Variants in MBD2 observed in about 807,000 individuals in gnomAD.
The protein encoded by MBD2 is methyl-CpG-binding domain protein 2.
Under a neutral mutation model 39.3 loss-of-function variants are expected in MBD2, and 9 were observed. That is an observed-to-expected ratio of 0.23 (90% CI 0.14 to 0.40). MBD2 has a LOEUF of 0.40. Among genes scored for constraint, MBD2 ranks in the 10% least tolerant of loss-of-function variants. The pLI, the probability that MBD2 is intolerant of heterozygous loss-of-function variation, is 1.00. For missense variants in MBD2, 458 were observed against 532.6 expected (o/e 0.86, Z 1.38); for synonymous variants, 233 against 211.1 (o/e 1.10, Z -0.90).
chr18:54,212,154 C>A (rs564910790), intron 1 of MBD2, among the ~76,000 whole-genome samples: 1 of 152,252 alleles, frequency 6.6e-6, no homozygotes, highest in Admixed American at 6.5e-5. Flanking sequence ...TCACTCTATT[C>A]TGAATAGTCT....
chr18:54,170,635 T>A (rs1216644633), intron 3 of MBD2, among the ~76,000 whole-genome samples: 1 of 152,228 alleles, frequency 6.6e-6, no homozygotes, highest in Non-Finnish European at 1.5e-5. Context: ...TGAATGCCCA[T>A]GATATGCAAT....
chr18:54,179,422 A>G (rs1010179777), intron 3 of MBD2, among the ~76,000 whole-genome samples: 3 of 152,248 alleles, frequency 2.0e-5, no homozygotes, highest in East Asian at 3.8e-4. Flanking sequence ...AGAAAAGTAC[A>G]AGTCAATTTC....
At chr18:54,176,122 A>C (rs551975149) in intron 3 of MBD2, among the ~76,000 whole-genome samples, 8 of 152,378 alleles carry the variant, frequency 5.3e-5, no homozygotes, top group African/African-American at 1.9e-4. Flanking sequence ...CAAGAGCATG[A>C]TGCTAGACAC....
intron 3 of MBD2, among the ~76,000 whole-genome samples, chr18:54,177,573 C>A (rs534670249): frequency 3.3e-5 from 5 of 152,142 alleles, no homozygotes; most frequent in Admixed American, 1.3e-4. Context: ...CTCCGCCTCC[C>A]GCGTTCACGC....
chr18:54,214,173 T>A (rs1046361495), intron 1 of MBD2, among the ~76,000 whole-genome samples: 3 of 151,312 alleles, frequency 2.0e-5, no homozygotes, highest in Admixed American at 6.6e-5. Flanking sequence ...ATATATATAT[T>A]TTGTTTGTTT....
At chr18:54,156,213 T>C (rs2086050502) in intron 6 of MBD2, among the ~76,000 whole-genome samples, 1 of 152,182 alleles carries the variant, frequency 6.6e-6, no homozygotes, top group Non-Finnish European at 1.5e-5. Context: ...TGGGGTTATT[T>C]GAGTAAGGTA....
intron 1 of MBD2, among the ~76,000 whole-genome samples, chr18:54,211,399 A>ACACACACACACG (rs1271647854): frequency 6.7e-4 from 101 of 151,612 alleles, no homozygotes; most frequent in Non-Finnish European, 8.8e-5. Flanking sequence ...ACACACACAC[A>ACACACACACACG]CACACACACA....
intron 3 of MBD2, among the ~76,000 whole-genome samples, chr18:54,177,032 C>A (rs1425791738): frequency 6.6e-6 from 1 of 152,174 alleles, no homozygotes; most frequent in Admixed American, 6.5e-5. Context: ...GTATACAATA[C>A]TTGTCAAGTG....
intron 3 of MBD2, among the ~76,000 whole-genome samples, chr18:54,171,655 G>A (rs1002396367): frequency 1.3e-5 from 2 of 152,186 alleles, no homozygotes. Flanking sequence ...GTCTTACCCA[G>A]TGAAACTATG....
At chr18:54,157,874 C>T (rs1344436001) in intron 6 of MBD2, among the ~76,000 whole-genome samples, 2 of 152,014 alleles carry the variant, frequency 1.3e-5, no homozygotes, top group African/African-American at 4.8e-5. Flanking sequence ...TCACGTGATT[C>T]TTTCTCCAGC....
intron 1 of MBD2, among the ~76,000 whole-genome samples, chr18:54,213,902 T>C (rs1468005828): frequency 2.0e-5 from 3 of 152,124 alleles, no homozygotes; most frequent in Admixed American, 6.5e-5. Flanking sequence ...CTTACATATA[T>C]ACATACACAC....
At chr18:54,186,130 C>T (rs1174223758) in intron 3 of MBD2, among the ~76,000 whole-genome samples, 1 of 152,048 alleles carries the variant, frequency 6.6e-6, no homozygotes, top group African/African-American at 2.4e-5. Context: ...AGTTAATATT[C>T]AGAAGCCTAA....
At chr18:54,161,962 C>T (rs2086101583) in intron 5 of MBD2, among the ~76,000 whole-genome samples, 1 of 152,118 alleles carries the variant, frequency 6.6e-6, no homozygotes, top group African/African-American at 2.4e-5. Context: ...AAGGGGCACA[C>T]GGAGGAGCCA....
chr18:54,201,689 C>T (rs1209848895), intron 2 of MBD2, among the ~76,000 whole-genome samples: 6 of 151,890 alleles, frequency 4.0e-5, no homozygotes, highest in Non-Finnish European at 7.4e-5. Flanking sequence ...GGTGAAACTC[C>T]GTCTCTACTA....
At chr18:54,178,138 A>C (rs1341135345) in intron 3 of MBD2, among the ~76,000 whole-genome samples, 1 of 152,150 alleles carries the variant, frequency 6.6e-6, no homozygotes, top group Non-Finnish European at 1.5e-5. Context: ...CACCATGCCC[A>C]GCCGTTCTTC....
rs78350474 is a variant in MBD2 at position 54,159,072 on chromosome 18, G to A, written c.*12+693C>T. On this transcript the variant is annotated intron_variant, in intron 6 of 6. Transcript: ENST00000256429. Reference sequence around the variant, plus strand: ...TTGCCACCATAATTTTAAAGAGGAAGCAATATGCCCTGGATGCTACTGTGA... The same window carrying A: ...TTGCCACCATAATTTTAAAGAGGAAACAATATGCCCTGGATGCTACTGTGA... Among the ~76,000 whole-genome samples the A allele has an allele frequency of 2.8e-3, 428 of 152,276 alleles. 2 individuals carry two copies. The highest frequency in any genetic ancestry group is 0.017 in the Middle Eastern group (5 of 294).
intron 2 of MBD2, chr18:54,202,891 A>T: frequency 8.4e-7 from 1 of 1,183,616 alleles, no homozygotes; most frequent in Non-Finnish European, 1.3e-6. Flanking sequence ...AGCACCAGGG[A>T]AGCATTATGG....
chr18:54,197,593 C>A (rs1169076673), intron 2 of MBD2, among the ~76,000 whole-genome samples: 1 of 152,070 alleles, frequency 6.6e-6, no homozygotes, highest in Non-Finnish European at 1.5e-5. Flanking sequence ...CTCTATCTAC[C>A]CACTTAATCT....
intron 2 of MBD2, among the ~76,000 whole-genome samples, chr18:54,192,506 C>T (rs761020526): frequency 6.6e-6 from 1 of 152,196 alleles, no homozygotes; most frequent in African/African-American, 2.4e-5. Context: ...GCTGGGATTA[C>T]AGACATGAGC....
Sources: gnomAD v4.1 joint callset for allele counts (sites outside exome capture counted in the v4.1 genomes callset) on GRCh38, gnomAD v4.1.1 for gene constraint, MANE v1.5 for transcripts, NCBI Gene and HGNC (gene_info 2026-07-23, HGNC 2026-07-21) for gene names.